Variants in SHISA9 observed in about 807,000 individuals in gnomAD.
SHISA9 encodes the protein protein shisa-9.
SHISA9 carries 13 observed loss-of-function variants against 38.0 expected under a neutral mutation model. The observed-to-expected ratio is 0.34, with a 90% CI of 0.22 to 0.54. SHISA9 has a LOEUF of 0.54. SHISA9 is among the 20% of genes least tolerant of loss of function. SHISA9 has a pLI of 0.91. For missense variants in SHISA9, 538 were observed against 575.8 expected (o/e 0.93, Z 0.67); for synonymous variants, 275 against 242.0 (o/e 1.14, Z -1.27).
At chr16:12,947,310 A>G (rs989495881) in intron 2 of SHISA9, among the ~76,000 whole-genome samples, 1 of 152,256 alleles carries the variant, frequency 6.6e-6, no homozygotes, top group Non-Finnish European at 1.5e-5. Flanking sequence ...TATCTGGGAC[A>G]GTAGCTTGTT....
chr16:13,442,792 A>G, the SHISA9 span, among the ~76,000 whole-genome samples: 1 of 152,106 alleles, frequency 6.6e-6, no homozygotes, highest in Middle Eastern at 3.4e-3. Flanking sequence ...GGTCTCAACA[A>G]AAAAATAAAA....
intron 2 of SHISA9, among the ~76,000 whole-genome samples, chr16:13,008,021 C>T (rs1290508962): frequency 6.6e-6 from 1 of 152,198 alleles, no homozygotes; most frequent in Non-Finnish European, 1.5e-5. Flanking sequence ...CTGTGACTCT[C>T]TTCCTGACGG....
intron 4 of SHISA9, among the ~76,000 whole-genome samples, chr16:13,213,808 G>C (rs116970117): frequency 6.6e-6 from 1 of 152,312 alleles, no homozygotes; most frequent in East Asian, 1.9e-4. Flanking sequence ...TGGTCGACTT[G>C]AGTCTGTGAG....
At chr16:12,904,792 A>T (rs558822642) in intron 1 of SHISA9, among the ~76,000 whole-genome samples, 2 of 152,184 alleles carry the variant, frequency 1.3e-5, no homozygotes, top group South Asian at 2.1e-4. Context: ...AATGTTTTAT[A>T]AAAAAAATCC....
chr16:12,932,648 A>T (rs2071476774), intron 2 of SHISA9, among the ~76,000 whole-genome samples: 1 of 152,116 alleles, frequency 6.6e-6, no homozygotes, highest in South Asian at 2.1e-4. Context: ...TGCCTGGGTT[A>T]TCTAGATCTT....
At chr16:13,099,853 C>T (rs1414600990) in intron 2 of SHISA9, among the ~76,000 whole-genome samples, 1 of 152,166 alleles carries the variant, frequency 6.6e-6, no homozygotes, top group Non-Finnish European at 1.5e-5. Context: ...TTACAAATCC[C>T]AGGGGCCTCC....
At chr16:13,068,921 C>T (rs569649265) in intron 2 of SHISA9, among the ~76,000 whole-genome samples, 3 of 150,840 alleles carry the variant, frequency 2.0e-5, no homozygotes, top group South Asian at 2.1e-4. Flanking sequence ...TATGTGTATA[C>T]GTGTGTACAT....
At chr16:12,967,574 TA>T (rs1204297362) in intron 2 of SHISA9, among the ~76,000 whole-genome samples, 13 of 151,174 alleles carry the variant, frequency 8.6e-5, no homozygotes, top group Non-Finnish European at 1.8e-4. Flanking sequence ...ATAATAAAAA[TA>T]AAAAATAAAT....
chr16:13,373,183 C>A, the SHISA9 span, among the ~76,000 whole-genome samples: 1 of 152,110 alleles, frequency 6.6e-6, no homozygotes, highest in Non-Finnish European at 1.5e-5. Flanking sequence ...CCTTACCCTG[C>A]AATATGAGGA....
At chr16:13,055,332 C>T (rs529973480) in intron 2 of SHISA9, among the ~76,000 whole-genome samples, 41 of 152,298 alleles carry the variant, frequency 2.7e-4, no homozygotes, top group African/African-American at 9.6e-4. Flanking sequence ...AACCACAGTG[C>T]TGTTTTGTGT....
chr16:13,009,751 A>G (rs2072646727), intron 2 of SHISA9, among the ~76,000 whole-genome samples: 2 of 152,232 alleles, frequency 1.3e-5, no homozygotes, highest in African/African-American at 2.4e-5. Context: ...GCCAAGGGGA[A>G]GAGTGAAAGG....
intron 2 of SHISA9, among the ~76,000 whole-genome samples, chr16:13,098,695 T>G (rs1481853765): frequency 6.6e-6 from 1 of 152,220 alleles, no homozygotes. Flanking sequence ...AAGGAGCAAC[T>G]GCAGGCTCCC....
chr16:13,418,856 C>T, the SHISA9 span, among the ~76,000 whole-genome samples: 57 of 152,336 alleles, frequency 3.7e-4, no homozygotes, highest in East Asian at 0.011. Context: ...GAATAAACAA[C>T]ACGGGCTAGC....
intron 2 of SHISA9, among the ~76,000 whole-genome samples, chr16:13,003,750 C>T (rs1319787617): frequency 6.6e-6 from 1 of 152,082 alleles, no homozygotes; most frequent in Non-Finnish European, 1.5e-5. Context: ...CCCAGCTACT[C>T]AGGAGGCTGA....
chr16:13,420,933 G>A, the SHISA9 span, among the ~76,000 whole-genome samples: 2 of 152,170 alleles, frequency 1.3e-5, no homozygotes, highest in Admixed American at 6.5e-5. Flanking sequence ...TGCTCCCAGC[G>A]AAACAGCTAG....
the SHISA9 span, among the ~76,000 whole-genome samples, chr16:13,537,814 A>T: frequency 6.6e-6 from 1 of 152,184 alleles, no homozygotes; most frequent in Non-Finnish European, 1.5e-5. Context: ...GCCATGGGGA[A>T]GTTTTAAAAT....
At chr16:13,178,155 G>A (rs1175202591) in intron 2 of SHISA9, among the ~76,000 whole-genome samples, 1 of 152,160 alleles carries the variant, frequency 6.6e-6, no homozygotes, top group Non-Finnish European at 1.5e-5. Context: ...AGGAGCTAGG[G>A]TATTTTATTC....
chr16:13,443,992 C>G, the SHISA9 span, among the ~76,000 whole-genome samples: 1 of 152,234 alleles, frequency 6.6e-6, no homozygotes, highest in Non-Finnish European at 1.5e-5. Flanking sequence ...GAATAGCCAT[C>G]TCCCAGGATC....
At chr16:13,482,281 C>G in the SHISA9 span, among the ~76,000 whole-genome samples, 1 of 152,260 alleles carries the variant, frequency 6.6e-6, no homozygotes, top group Admixed American at 6.5e-5. Context: ...CAGTGCCTGT[C>G]TTGCAGCCTT....
Sources: allele counts gnomAD v4.1 joint callset (sites outside exome capture counted in the v4.1 genomes callset), GRCh38; gene constraint gnomAD v4.1.1; transcripts MANE v1.5; gene names NCBI Gene and HGNC (gene_info 2026-07-23, HGNC 2026-07-21).